FRMD4B: variants seen among roughly 807,000 people sequenced by gnomAD.
The protein encoded by FRMD4B is FERM domain-containing protein 4B.
Under a neutral mutation model 141.5 loss-of-function variants are expected in FRMD4B, and 74 were observed. The observed-to-expected ratio is 0.52, with a 90% CI of 0.43 to 0.63. The LOEUF (loss-of-function observed/expected upper bound fraction) is 0.63. FRMD4B is among the 30% of genes least tolerant of loss of function. The pLI is 0.00. For synonymous variants in FRMD4B, 506 were observed against 467.9 expected (o/e 1.08, Z -1.05); for missense variants, 1,366 against 1,253.4 (o/e 1.09, Z -1.36).
At chr3:69,322,725 T>C (rs1368011996) in intron 1 of FRMD4B, among the ~76,000 whole-genome samples, 1 of 151,556 alleles carries the variant, frequency 6.6e-6, no homozygotes, top group Non-Finnish European at 1.5e-5. Flanking sequence ...GCCTCCTGAA[T>C]AGCTGGGACC....
At chr3:69,340,411 T>C (rs570279560) in intron 1 of FRMD4B, among the ~76,000 whole-genome samples, 4 of 152,284 alleles carry the variant, frequency 2.6e-5, no homozygotes, top group South Asian at 2.1e-4. Context: ...TGAGAACATA[T>C]GATATTTGGT....
intron 1 of FRMD4B, among the ~76,000 whole-genome samples, chr3:69,362,803 C>T (rs573694658): frequency 6.6e-6 from 1 of 151,892 alleles, no homozygotes; most frequent in Non-Finnish European, 1.5e-5. Context: ...TAAACAATTT[C>T]TTTCTATTCC....
rs1010119240 is a variant in FRMD4B, at chr3:69,169,284, G to A, written c.*2577C>T. Among the ~76,000 whole-genome samples, 5 of 151,454 alleles carry A rather than the reference G, an allele frequency of 3.3e-5. No individual in the cohort carries two copies. Among genetic ancestry groups the A allele is most frequent in the African/African-American group, 9.7e-5 (4 of 41,326 alleles). ...AGTTTAATTGGTTTAATACCAATGC[G>A]GTTGAGAAATGTTTTTCAAAAGAGA... On this transcript the variant is annotated 3_prime_UTR_variant, in exon 23 of 23. Coordinates refer to ENST00000398540, the MANE Select transcript of FRMD4B (RefSeq NM_015123.3).
At chr3:69,237,494 G>T (rs558933210) in intron 7 of FRMD4B, among the ~76,000 whole-genome samples, 1 of 152,350 alleles carries the variant, frequency 6.6e-6, no homozygotes, top group African/African-American at 2.4e-5. Flanking sequence ...GTGGGAAGTT[G>T]TTGGCCCATC....
chr3:69,214,298 C>G (rs975795677), intron 11 of FRMD4B, among the ~76,000 whole-genome samples: 1 of 152,112 alleles, frequency 6.6e-6, no homozygotes, highest in Non-Finnish European at 1.5e-5. Flanking sequence ...ATGGAAATTA[C>G]AGGAGTTATT....
At chr3:69,297,051 T>C (rs1463156216) in intron 4 of FRMD4B, among the ~76,000 whole-genome samples, 2 of 152,188 alleles carry the variant, frequency 1.3e-5, no homozygotes, top group African/African-American at 2.4e-5. Flanking sequence ...ACCTAGAATA[T>C]ATTGGGAGCA....
At chr3:69,278,710 T>C (rs1575685638) in intron 5 of FRMD4B, among the ~76,000 whole-genome samples, 1 of 151,906 alleles carries the variant, frequency 6.6e-6, no homozygotes, top group Non-Finnish European at 1.5e-5. Flanking sequence ...CCTCAGCCTC[T>C]GAAGTAGCTG....
chr3:69,240,030 G>A (rs2093370439), intron 7 of FRMD4B, among the ~76,000 whole-genome samples: 1 of 151,168 alleles, frequency 6.6e-6, no homozygotes, highest in Admixed American at 6.6e-5. Context: ...CTCCAGCCTG[G>A]GCGACAGAGC....
At chr3:69,536,631 G>C in intron 1 of FRMD4B, 1 of 1,009,796 alleles carries the variant, frequency 9.9e-7, no homozygotes, top group Non-Finnish European at 1.5e-6. Context: ...AGGAGACCTG[G>C]ATGATCCTGC....
chr3:69,259,410 TGTGGCCTGGGGGTTGGGG>T (rs1235759410), intron 5 of FRMD4B, among the ~76,000 whole-genome samples: 9 of 152,216 alleles, frequency 5.9e-5, no homozygotes. Context: ...GGTAGCAGCC[TGTGGCCTGGGGGTTGGGG>T]ACCCCTGGTA....
At chr3:69,239,452 G>A (rs1451416282) in intron 7 of FRMD4B, among the ~76,000 whole-genome samples, 2 of 152,128 alleles carry the variant, frequency 1.3e-5, no homozygotes, top group Non-Finnish European at 2.9e-5. Flanking sequence ...ATGAAAATGT[G>A]ATGAAAGATT....
chr3:69,248,143 T>C (rs2093436863), intron 7 of FRMD4B, among the ~76,000 whole-genome samples: 1 of 151,846 alleles, frequency 6.6e-6, no homozygotes, highest in Admixed American at 6.6e-5. Context: ...CCTTATACTC[T>C]TGTTTTTTTT....
At chr3:69,229,015 G>GTTTTTT (rs58912710) in intron 7 of FRMD4B, among the ~76,000 whole-genome samples, 385 of 120,764 alleles carry the variant, frequency 3.2e-3, no homozygotes, top group Middle Eastern at 5.0e-3. Flanking sequence ...TCAAAATCAT[G>GTTTTTT]TTTTTTTTTT....
chr3:69,187,068 C>T (rs755741538), intron 19 of FRMD4B, among the ~76,000 whole-genome samples: 2 of 152,234 alleles, frequency 1.3e-5, no homozygotes. Context: ...GACTGGAAAT[C>T]AGTCCTGCTA....
chr3:69,412,985 T>G (rs1029890332), intron 2 of FRMD4B, among the ~76,000 whole-genome samples: 1 of 151,928 alleles, frequency 6.6e-6, no homozygotes, highest in African/African-American at 2.4e-5. Flanking sequence ...GATGGGTCTC[T>G]GAGTTATCAT....
chr3:69,337,524 A>G (rs1239891410), intron 1 of FRMD4B, among the ~76,000 whole-genome samples: 2 of 152,254 alleles, frequency 1.3e-5, no homozygotes, highest in Admixed American at 6.5e-5. Flanking sequence ...CAGGCAACCT[A>G]CAGAATGGGA....
At position 69,408,612 on chromosome 3, in the gene FRMD4B, A is replaced by T. The variant is rs112128114; in HGVS notation, c.-1+24022T>A. 2.5e-3 allele frequency among the ~76,000 whole-genome samples: 387 copies of T among 152,304 alleles called. 4 individuals carry two copies. Among genetic ancestry groups the T allele is most frequent in the Middle Eastern group, 6.8e-3 (2 of 294 alleles). On this transcript the variant is annotated intron_variant, in intron 2 of 5. Coordinates refer to the FRMD4B transcript ENST00000459638. ...TGTAAAACAGGAAAATGATATCATA[A>T]AAAGGACTCAGGGCTTGTTGCACTG...
chr3:69,174,239 T>C (rs1357441451), intron 22 of FRMD4B, among the ~76,000 whole-genome samples: 4 of 152,006 alleles, frequency 2.6e-5, no homozygotes, highest in Non-Finnish European at 5.9e-5. Flanking sequence ...AGCTGCTACG[T>C]AAAGTAGGGT....
intron 2 of FRMD4B, among the ~76,000 whole-genome samples, chr3:69,427,236 C>T (rs1001472059): frequency 8.7e-5 from 13 of 149,164 alleles, no homozygotes; most frequent in African/African-American, 2.4e-4. Flanking sequence ...AAAAATAACT[C>T]TGGGAAACAA....
Sources: allele counts gnomAD v4.1 joint callset (sites outside exome capture counted in the v4.1 genomes callset), GRCh38; gene constraint gnomAD v4.1.1; transcripts MANE v1.5; gene names NCBI Gene and HGNC (gene_info 2026-07-23, HGNC 2026-07-21).